VCL: variants seen among roughly 807,000 people sequenced by gnomAD.
VCL encodes the protein vinculin.
VCL carries 47 observed loss-of-function variants against 125.7 expected under a neutral mutation model. The ratio of observed to expected loss-of-function variants is 0.37; its 90% confidence interval spans 0.30 to 0.48. VCL has a LOEUF of 0.48. VCL is among the 20% of genes least tolerant of loss of function. VCL has a pLI of 0.99. For synonymous variants in VCL, 458 were observed against 514.6 expected, an observed-to-expected ratio of 0.89 and a Z score of 1.49; for missense variants, 1,069 against 1,455.5, an observed-to-expected ratio of 0.73 and a Z score of 4.32.
chr10:74,082,487 A>C lies in VCL; in HGVS notation c.817A>C (p.Ile273Leu), dbSNP rs754279934. The C allele has an allele frequency of 6.2e-7, 1 of 1,614,164 alleles. No homozygotes were observed. The highest frequency in any genetic ancestry group is 8.5e-7 in the Non-Finnish European group (1 of 1,180,018). The stretch of plus-strand genomic sequence containing the variant: ...AGCCATGAAGAGAGCATTGGCCTCC[A>C]TAGACTCCAAACTGAACCAGGCCAA... The part of the protein sequence containing the change: ...TEAMKRALAS[I>L]DSKLNQAKGW... Residue 273 changes from isoleucine (I) to leucine (L), a missense_variant, in exon 7 of 22, where the codon ATA (isoleucine) becomes CTA (leucine). Physicochemically the swap from Ile to Leu is conservative, Grantham distance 5. Coordinates refer to ENST00000211998, the MANE Select transcript of VCL (RefSeq NM_014000.3).
At chr10:74,084,682 G>T (rs994295933) in intron 8 of VCL, among the ~76,000 whole-genome samples, 1 of 151,830 alleles carries the variant, frequency 6.6e-6, no homozygotes, top group East Asian at 1.9e-4. Flanking sequence ...GCGCGATCTC[G>T]GCTCACTGCA....
rs192597264 is a variant in VCL, at chr10:74,069,755, T to C, written c.240-915T>C. ...TGATCTATTAGGTTATTTTCAACTC[T>C]GTGGGGATGAGTAATTGAATGAATG... On this transcript the variant is annotated intron_variant, in intron 2 of 21. Transcript: ENST00000211998. 3.5e-3 allele frequency among the ~76,000 whole-genome samples: 539 copies of C among 152,182 alleles called. 2 individuals are homozygous for C. Among genetic ancestry groups the C allele is most frequent in the African/African-American group, 0.011 (472 of 41,424 alleles).
chr10:74,032,167 G>A (rs536426287), intron 1 of VCL, among the ~76,000 whole-genome samples: 5 of 140,824 alleles, frequency 3.6e-5, no homozygotes, highest in Admixed American at 3.0e-4. Flanking sequence ...TGAGCCTGAA[G>A]AGGTAGAGGC....
rs545550264 is a variant in VCL, at chr10:74,009,407, T to C, written c.168+11032T>C. 5.3e-4 allele frequency among the ~76,000 whole-genome samples: 79 copies of C among 150,010 alleles called. No individual in the cohort carries two copies. The East Asian group carries it at 6.6e-3, about 12-fold the overall frequency. On this transcript the variant is annotated intron_variant, in intron 1 of 21. Transcript: ENST00000211998. ...CCGAGTAGCTGGGACTACAGGCGCC[T>C]GCCACCACGCCCGGCTAATTTTTTT...
chr10:74,114,734 C>G, intron 20 of VCL, 61 bp from the exon 21 acceptor site: 1 of 1,530,076 alleles, frequency 6.5e-7, no homozygotes, highest in East Asian at 2.4e-5. Flanking sequence ...TAAGTCTTGC[C>G]TTCAAGGAGC....
intron 19 of VCL, among the ~76,000 whole-genome samples, chr10:74,113,065 G>C (rs141127217): frequency 2.3e-3 from 349 of 152,298 alleles, no homozygotes; most frequent in African/African-American, 7.9e-3. Flanking sequence ...GCTTCATGGT[G>C]CCTGTAGAGG....
At chr10:74,043,595 C>A (rs996813482) in intron 2 of VCL, among the ~76,000 whole-genome samples, 1 of 152,148 alleles carries the variant, frequency 6.6e-6, no homozygotes, top group African/African-American at 2.4e-5. Context: ...GATCCACCCA[C>A]CTTGGCCTCC....
intron 18 of VCL, 61 bp from the exon 19 acceptor site, chr10:74,111,848 C>T: frequency 6.3e-7 from 1 of 1,598,828 alleles, no homozygotes; most frequent in Non-Finnish European, 8.5e-7. Flanking sequence ...CCCAGTTTCC[C>T]AAGTCGTATT....
intron 1 of VCL, among the ~76,000 whole-genome samples, chr10:74,010,166 C>A (rs1840406154): frequency 6.6e-6 from 1 of 152,048 alleles, no homozygotes; most frequent in Non-Finnish European, 1.5e-5. Flanking sequence ...TTCAAGTGAT[C>A]CATCCGCCTC....
chr10:74,051,853 A>C (rs1000691444), intron 2 of VCL, among the ~76,000 whole-genome samples: 1 of 152,190 alleles, frequency 6.6e-6, no homozygotes, highest in African/African-American at 2.4e-5. Flanking sequence ...TTCAAGAGCT[A>C]GCCAGTGGTG....
intron 2 of VCL, among the ~76,000 whole-genome samples, chr10:74,045,844 T>C (rs1841189592): frequency 6.6e-6 from 1 of 152,100 alleles, no homozygotes; most frequent in Admixed American, 6.5e-5. Context: ...AAGTGATGAG[T>C]TACATGGGCG....
At chr10:74,061,597 A>G (rs1841480074) in intron 2 of VCL, among the ~76,000 whole-genome samples, 1 of 152,176 alleles carries the variant, frequency 6.6e-6, no homozygotes, top group Non-Finnish European at 1.5e-5. Flanking sequence ...CCTGGAAACA[A>G]TTTCTTTAAA....
intron 1 of VCL, among the ~76,000 whole-genome samples, chr10:74,006,128 C>T (rs141472841): frequency 7.3e-4 from 111 of 152,204 alleles, no homozygotes; most frequent in African/African-American, 2.6e-3. Flanking sequence ...TCAGGTGATC[C>T]GCTCGCCTCG....
chr10:74,022,148 C>T (rs1161583093), intron 1 of VCL, among the ~76,000 whole-genome samples: 4 of 152,096 alleles, frequency 2.6e-5, no homozygotes, highest in African/African-American at 9.7e-5. Context: ...AAACTATAGC[C>T]TGTGTTTTTA....
rs1198125817 is a variant in VCL at position 74,097,369 on chromosome 10, G to A, written c.1872+37G>A. 1 of 1,605,746 alleles carries A rather than the reference G, an allele frequency of 6.2e-7. No individual in the cohort carries two copies. The highest frequency in any genetic ancestry group is 1.7e-5 in the Admixed American group (1 of 59,868). On this transcript the variant is annotated intron_variant, in intron 13 of 21. Transcript: ENST00000211998. This position sits in a 1 kb window ranked among gnomAD's most constrained non-coding sequence, Gnocchi z 4.1. ...AGGTCTTCCATTTTTCTGTCAGCCT[G>A]TGCTATAGGTATATGTAAAGGTGAA...
In VCL at chr10:74,072,710, A is replaced by AT; in HGVS notation, c.500-17dup. 6.2e-6 allele frequency: 10 copies of AT among 1,613,788 alleles called. No homozygotes were observed. The highest frequency in any genetic ancestry group is 8.5e-6 in the Non-Finnish European group (10 of 1,179,886). On this transcript the variant is annotated intron_variant, in intron 4 of 21. Transcript: ENST00000211998. Reference sequence around the variant, plus strand: ...ATTGTTTCACTACTCACCCTGCACAATTTCTTCTTTGTGCCCCAGGAATGA... The same window carrying AT: ...ATTGTTTCACTACTCACCCTGCACAATTTTCTTCTTTGTGCCCCAGGAATGA...
At chr10:74,052,596 C>CA (rs1471208090) in intron 2 of VCL, among the ~76,000 whole-genome samples, 1 of 152,146 alleles carries the variant, frequency 6.6e-6, no homozygotes, top group African/African-American at 2.4e-5. Context: ...AGGGTGGTCT[C>CA]AAACTCCTGA....
At chr10:74,098,671 G>C (rs778416799) in intron 13 of VCL, among the ~76,000 whole-genome samples, 1 of 152,226 alleles carries the variant, frequency 6.6e-6, no homozygotes, top group Non-Finnish European at 1.5e-5. Context: ...AATGAGAAGG[G>C]GTTTGGGTCA....
In VCL at chr10:74,105,181, C is replaced by A. The variant is rs1840111831; in HGVS notation, c.2262C>A (p.Thr754=). 1.2e-6 allele frequency: 2 copies of A among 1,613,984 alleles called. No individual in the cohort carries two copies. Among genetic ancestry groups the A allele is most frequent in the African/African-American group, 1.3e-5 (1 of 74,890 alleles). The part of the protein sequence containing the change: ...IQPQMLVAGA[T]SIARRANRIL... ...CTCAGATGCTGGTTGCTGGGGCAAC[C>A]AGTATTGCTCGTCGGGCCAACCGGA... Residue 754 remains threonine (T), a synonymous_variant, in exon 16 of 22, where the codon ACC becomes ACA. Coordinates refer to ENST00000211998, the MANE Select transcript of VCL (RefSeq NM_014000.3).
Sources: gnomAD v4.1 joint callset for allele counts (sites outside exome capture counted in the v4.1 genomes callset) on GRCh38, gnomAD v4.1.1 for gene constraint, Gnocchi (gnomAD v3.1) non-coding constraint, MANE v1.5 for transcripts, NCBI Gene and HGNC (gene_info 2026-07-23, HGNC 2026-07-21) for gene names.